The following PARD3 variants were observed in gnomAD, a reference collection of about 807,000 sequenced individuals.
PARD3 encodes the protein partitioning defective 3 homolog.
Under a neutral mutation model 155.4 loss-of-function variants are expected in PARD3, and 75 were observed. That is an observed-to-expected ratio of 0.48 (90% CI 0.40 to 0.58). PARD3 has a LOEUF of 0.58. PARD3 is among the 20% of genes least tolerant of loss of function. PARD3 has a pLI of 0.00. For missense variants in PARD3, 1,642 were observed against 1,721.7 expected, an observed-to-expected ratio of 0.95 and a Z score of 0.82; for synonymous variants, 576 against 610.5, an observed-to-expected ratio of 0.94 and a Z score of 0.83.
At chr10:34,737,671 T>TA (rs770287609) in intron 1 of PARD3, among the ~76,000 whole-genome samples, 16 of 152,188 alleles carry the variant, frequency 1.1e-4, no homozygotes, top group Admixed American at 3.3e-4. Flanking sequence ...AGTGCTCAGC[T>TA]GCTAGGCACC....
intron 22 of PARD3, chr10:34,201,891 C>T (rs1360591397): frequency 6.6e-6 from 1 of 152,182 alleles, no homozygotes; most frequent in Non-Finnish European, 1.5e-5. Flanking sequence ...CACTGAATGA[C>T]AGGATCCCCA....
At chr10:34,487,352 ATC>A (rs1375554537) in intron 3 of PARD3, among the ~76,000 whole-genome samples, 2 of 152,030 alleles carry the variant, frequency 1.3e-5, no homozygotes, top group Non-Finnish European at 2.9e-5. Flanking sequence ...CCAGTTTTTA[ATC>A]CAGCAAAGGA....
intron 2 of PARD3, among the ~76,000 whole-genome samples, chr10:34,649,905 T>C (rs2092954968): frequency 1.3e-5 from 2 of 152,096 alleles, no homozygotes. Flanking sequence ...TTTTACTTTG[T>C]AAACATTGTT....
At chr10:34,623,450 TA>T (rs1436861520) in intron 2 of PARD3, among the ~76,000 whole-genome samples, 1 of 152,236 alleles carries the variant, frequency 6.6e-6, no homozygotes, top group Admixed American at 6.5e-5. Flanking sequence ...TTAAATAACT[TA>T]AATCTTCAAC....
intron 22 of PARD3, among the ~76,000 whole-genome samples, chr10:34,263,493 C>T (rs970575089): frequency 1.3e-5 from 2 of 151,018 alleles, no homozygotes; most frequent in Non-Finnish European, 2.9e-5. Context: ...CCCATCTGTA[C>T]AAAAAATAAA....
intron 1 of PARD3, among the ~76,000 whole-genome samples, chr10:34,718,489 G>A (rs1386137989): frequency 6.6e-6 from 1 of 151,718 alleles, no homozygotes; most frequent in African/African-American, 2.4e-5. Flanking sequence ...GTGAGACCAC[G>A]TCTCCACAAA....
intron 18 of PARD3, among the ~76,000 whole-genome samples, chr10:34,335,544 A>G (rs1836082984): frequency 6.6e-6 from 1 of 152,070 alleles, no homozygotes; most frequent in Admixed American, 6.5e-5. Flanking sequence ...ACTATAATGC[A>G]ATCCCAGTTC....
At chr10:34,520,350 T>C (rs574218915) in intron 2 of PARD3, among the ~76,000 whole-genome samples, 68 of 152,248 alleles carry the variant, frequency 4.5e-4, no homozygotes, top group African/African-American at 1.3e-3. Flanking sequence ...GTAATTGGTA[T>C]GAAGAAATCA....
intron 22 of PARD3, among the ~76,000 whole-genome samples, chr10:34,141,494 T>G (rs1469874005): frequency 3.3e-5 from 5 of 152,210 alleles, no homozygotes; most frequent in Non-Finnish European, 7.3e-5. Context: ...GCTTCTGATG[T>G]GATAGCTCCA....
intron 16 of PARD3, among the ~76,000 whole-genome samples, chr10:34,339,881 G>A (rs375586128): frequency 5.3e-5 from 8 of 152,248 alleles, no homozygotes; most frequent in African/African-American, 1.9e-4. Flanking sequence ...AAGTTAGATG[G>A]CAGGAATGAC....
intron 22 of PARD3, among the ~76,000 whole-genome samples, chr10:34,164,768 C>G (rs546619197): frequency 2.0e-5 from 3 of 152,188 alleles, no homozygotes; most frequent in African/African-American, 7.2e-5. Context: ...TCAGAAAGTA[C>G]TACTTGTAGT....
chr10:34,497,391 T>C (rs1462000901), intron 3 of PARD3, among the ~76,000 whole-genome samples: 1 of 152,222 alleles, frequency 6.6e-6, no homozygotes, highest in Non-Finnish European at 1.5e-5. Flanking sequence ...GTGCAGGTTA[T>C]ATGCAAACTA....
intron 22 of PARD3, among the ~76,000 whole-genome samples, chr10:34,136,366 T>C (rs1302555927): frequency 6.6e-6 from 1 of 152,238 alleles, no homozygotes. Flanking sequence ...GAGTTTGTGA[T>C]GTGACTGATT....
chr10:34,811,028 G>T (rs1844086583), intron 1 of PARD3, among the ~76,000 whole-genome samples: 1 of 152,276 alleles, frequency 6.6e-6, no homozygotes, highest in South Asian at 2.1e-4. Context: ...TATGAGGGAG[G>T]TGGGAACAGT....
intron 1 of PARD3, among the ~76,000 whole-genome samples, chr10:34,719,406 C>A (rs1005129251): frequency 5.9e-5 from 9 of 152,128 alleles, no homozygotes; most frequent in South Asian, 4.1e-4. Context: ...TAAGTTAAAT[C>A]CCTTCTCATC....
At chr10:34,448,270 A>G (rs1371848817) in intron 5 of PARD3, among the ~76,000 whole-genome samples, 4 of 152,138 alleles carry the variant, frequency 2.6e-5, no homozygotes, top group Non-Finnish European at 4.4e-5. Flanking sequence ...GCTAAAAGAA[A>G]TAAGCCAAAC....
At position 34,517,135 on chromosome 10, in the gene PARD3, C is replaced by A. The variant is rs769622252; in HGVS notation, c.247G>T (p.Asp83Tyr). Reference sequence around the variant, plus strand: ...GTGCCATCACCTCCGTGATGTGGATCCTGCTCATCAAACACTGCTACCAGC... The same window carrying A: ...GTGCCATCACCTCCGTGATGTGGATACTGCTCATCAAACACTGCTACCAGC... ...DRLVAVFDEQDPHHGGDGTSA... is the reference protein window; with the variant it reads ...DRLVAVFDEQYPHHGGDGTSA... The change falls in exon 3 of 25, where the codon GAT becomes TAT. Residue 83 changes from aspartate to tyrosine, a missense_variant. Around this residue, in one of 3 missense-constraint regions of PARD3, gnomAD observed 38 missense variants for 69.1 expected, o/e 0.55. Coordinates refer to ENST00000374788, the MANE Select transcript of PARD3 (RefSeq NM_001184785.2). The A allele has an allele frequency of 1.9e-5, 30 of 1,613,934 alleles. No individual in the cohort carries two copies. Among genetic ancestry groups the A allele is most frequent in the Non-Finnish European group, 2.3e-5 (27 of 1,179,988 alleles).
intron 2 of PARD3, among the ~76,000 whole-genome samples, chr10:34,688,501 T>G (rs1379016876): frequency 6.6e-6 from 1 of 152,190 alleles, no homozygotes; most frequent in Non-Finnish European, 1.5e-5. Context: ...AAAATGTCAA[T>G]TGAGAAAACT....
At chr10:34,476,423 C>A (rs2078708613) in intron 3 of PARD3, among the ~76,000 whole-genome samples, 1 of 152,034 alleles carries the variant, frequency 6.6e-6, no homozygotes, top group Non-Finnish European at 1.5e-5. Context: ...ACTCGGTGAA[C>A]AACACAAAAT....
Sources: gnomAD v4.1 joint callset for allele counts (sites outside exome capture counted in the v4.1 genomes callset) on GRCh38, gnomAD v4.1.1 for gene constraint, gnomAD v4.1.1 regional missense constraint, MANE v1.5 for transcripts, NCBI Gene and HGNC (gene_info 2026-07-23, HGNC 2026-07-21) for gene names.